ATP8A1: variants seen among roughly 807,000 people sequenced by gnomAD.
ATP8A1 encodes ATPase phospholipid transporting 8A1, also known as phospholipid-transporting ATPase IA.
Under a neutral mutation model 177.7 loss-of-function variants are expected in ATP8A1, and 90 were observed. That is an observed-to-expected ratio of 0.51 (90% confidence interval 0.43 to 0.60). The LOEUF (loss-of-function observed/expected upper bound fraction) is 0.60, where lower values mean the gene tolerates loss of function less well. Among genes scored for constraint, ATP8A1 ranks in the 20% least tolerant of loss-of-function variants. ATP8A1 has a pLI of 0.00. For synonymous variants in ATP8A1, 493 were observed against 485.9 expected (o/e 1.01, Z -0.19); for missense variants, 1,072 against 1,392.8 (o/e 0.77, Z 3.67).
chr4:42,477,061 T>C (rs1246872431), intron 25 of ATP8A1, among the ~76,000 whole-genome samples: 3 of 152,242 alleles, frequency 2.0e-5, no homozygotes, highest in Admixed American at 6.5e-5. Context: ...ACTGATGTTA[T>C]TGAACAACAG....
chr4:42,644,159 G>A (rs1436296004), intron 1 of ATP8A1, among the ~76,000 whole-genome samples: 1 of 152,176 alleles, frequency 6.6e-6, no homozygotes, highest in Non-Finnish European at 1.5e-5. Flanking sequence ...TCAGACTGAA[G>A]GCCTTCGTAT....
At chr4:42,471,810 A>G in intron 25 of ATP8A1, 1 of 518,590 alleles carries the variant, frequency 1.9e-6, no homozygotes, top group Middle Eastern at 5.9e-4. Flanking sequence ...GGAGAAGGCC[A>G]TGTTCATTTC....
At chr4:42,503,815 A>G (rs940794918) in intron 23 of ATP8A1, among the ~76,000 whole-genome samples, 1 of 152,222 alleles carries the variant, frequency 6.6e-6, no homozygotes, top group Non-Finnish European at 1.5e-5. Context: ...ATGATAACCA[A>G]CATGAAGAGC....
rs1361876893 is a variant in ATP8A1, at chr4:42,616,060, T to C, written c.382A>G (p.Asn128Asp). ...IEDIKRHKAD[N>D]AVNKKQTQVL... ...TGCGTTTGTTTCTTGTTCACTGCAT[T>C]ATCAGCTTTATGTCGTTTCTAAAGT... Residue 128 changes from asparagine (N) to aspartate (D), a missense_variant, in exon 5 of 37, where the codon AAT becomes GAT. Around this residue, in one of 5 missense-constraint regions of ATP8A1, gnomAD observed 344 missense variants for 393.5 expected, o/e 0.87. Transcript: ENST00000381668. The C allele has an allele frequency of 6.2e-7, 1 of 1,612,088 alleles. No homozygotes were observed.
Position 42,414,153 on chromosome 4 carries a change from T to C in ATP8A1, c.3397+474A>G, listed in dbSNP as rs552256498. ...AATACATTTACTACAGGGCTTTACA[T>C]TTTATATTCTTTTTTAGATCTTGAA... On this transcript the variant is annotated intron_variant, in intron 36 of 36. Transcript: ENST00000381668. Among the ~76,000 whole-genome samples, 9 of 152,364 alleles carry C rather than the reference T, an allele frequency of 5.9e-5. No individual in the cohort carries two copies. In the South Asian group the frequency reaches 1.9e-3, roughly 32 times the overall value.
intron 6 of ATP8A1, among the ~76,000 whole-genome samples, chr4:42,600,226 A>G (rs997877553): frequency 7.9e-5 from 12 of 152,206 alleles, no homozygotes; most frequent in African/African-American, 2.7e-4. Flanking sequence ...AATAAAATCT[A>G]TGATAACAGT....
At chr4:42,414,235 T>C (rs755865063) in intron 36 of ATP8A1, among the ~76,000 whole-genome samples, 7 of 152,224 alleles carry the variant, frequency 4.6e-5, no homozygotes, top group Non-Finnish European at 4.4e-5. Flanking sequence ...TTCATAAATA[T>C]TTCTGAAGGG....
At chr4:42,461,911 G>C (rs1719204404) in intron 27 of ATP8A1, among the ~76,000 whole-genome samples, 1 of 152,188 alleles carries the variant, frequency 6.6e-6, no homozygotes, top group African/African-American at 2.4e-5. Context: ...CTGGTAACTG[G>C]AGCAAAGGCG....
chr4:42,630,029 A>G (rs1390351058), intron 1 of ATP8A1, among the ~76,000 whole-genome samples: 1 of 152,264 alleles, frequency 6.6e-6, no homozygotes, highest in East Asian at 1.9e-4. Context: ...CACATTTGCT[A>G]CATTCAAAAT....
chr4:42,602,428 T>C (rs1476901300), intron 5 of ATP8A1, among the ~76,000 whole-genome samples: 1 of 152,050 alleles, frequency 6.6e-6, no homozygotes, highest in Non-Finnish European at 1.5e-5. Context: ...TCTGCCAGAG[T>C]CCAACAGTAT....
At chr4:42,511,879 G>GT (rs2153195577) in intron 22 of ATP8A1, among the ~76,000 whole-genome samples, 1 of 152,040 alleles carries the variant, frequency 6.6e-6, no homozygotes, top group Non-Finnish European at 1.5e-5. Context: ...AATCAAACTC[G>GT]TATCAACCTA....
chr4:42,536,143 A>C (rs1727806085), intron 20 of ATP8A1, among the ~76,000 whole-genome samples: 1 of 152,230 alleles, frequency 6.6e-6, no homozygotes, highest in Non-Finnish European at 1.5e-5. Flanking sequence ...CAACAACTAT[A>C]AAATATAAAT....
chr4:42,597,796 G>A (rs764697326), intron 6 of ATP8A1, among the ~76,000 whole-genome samples: 50 of 151,962 alleles, frequency 3.3e-4, no homozygotes, highest in Admixed American at 1.3e-3. Context: ...CAAACTGCTC[G>A]TTCACAATAG....
chr4:42,452,893 C>T (rs1185554045), intron 29 of ATP8A1, among the ~76,000 whole-genome samples: 3 of 152,190 alleles, frequency 2.0e-5, no homozygotes, highest in African/African-American at 4.8e-5. Flanking sequence ...TTAAGCTGTT[C>T]AAACAACAGA....
intron 20 of ATP8A1, among the ~76,000 whole-genome samples, chr4:42,542,586 C>T (rs1728515827): frequency 6.6e-6 from 1 of 152,128 alleles, no homozygotes; most frequent in Non-Finnish European, 1.5e-5. Flanking sequence ...AATGCTATCC[C>T]TCCCTCAGCC....
At chr4:42,482,567 T>C (rs993345315) in intron 25 of ATP8A1, among the ~76,000 whole-genome samples, 5 of 152,190 alleles carry the variant, frequency 3.3e-5, no homozygotes, top group Non-Finnish European at 7.4e-5. Context: ...ACATAATGTC[T>C]GCTGCCTGGG....
chr4:42,525,473 C>T (rs562121257), intron 20 of ATP8A1, among the ~76,000 whole-genome samples: 1 of 152,150 alleles, frequency 6.6e-6, no homozygotes, highest in Non-Finnish European at 1.5e-5. Flanking sequence ...GAACAACTCT[C>T]GAAATGCCTT....
chr4:42,474,208 G>A lies in ATP8A1; in HGVS notation c.2325-9132C>T, dbSNP rs146217895. Among the ~76,000 whole-genome samples the A allele has an allele frequency of 2.6e-3, 394 of 152,294 alleles. 1 individual carries two copies. Among genetic ancestry groups the A allele is most frequent in the African/African-American group, 8.8e-3 (364 of 41,564 alleles). On this transcript the variant is annotated intron_variant, in intron 25 of 36. Coordinates refer to ENST00000381668, the MANE Select transcript of ATP8A1 (RefSeq NM_006095.2). ...CAAATTCAAGAGAAACCTTTGGGGC[G>A]ACAGGAAGTGGTGAATACTTGGGAG...
chr4:42,634,673 C>T (rs1739094165), intron 1 of ATP8A1, among the ~76,000 whole-genome samples: 1 of 152,176 alleles, frequency 6.6e-6, no homozygotes, highest in African/African-American at 2.4e-5. Context: ...TACGCTCTTA[C>T]AAGAGTTTGT....
Sources: gnomAD v4.1 joint callset for allele counts (sites outside exome capture counted in the v4.1 genomes callset) on GRCh38, gnomAD v4.1.1 for gene constraint, gnomAD v4.1.1 regional missense constraint, MANE v1.5 for transcripts, NCBI Gene and HGNC (gene_info 2026-07-23, HGNC 2026-07-21) for gene names.